The following NCAM1 variants were observed in gnomAD, a reference collection of about 807,000 sequenced individuals.
The protein encoded by NCAM1 is antigen recognized by monoclonal antibody 5.1H11.
A neutral mutation model predicts 109.8 loss-of-function variants in NCAM1; 14 were observed. The observed-to-expected ratio is 0.13, with a 90% CI of 0.08 to 0.20. The LOEUF (loss-of-function observed/expected upper bound fraction) is 0.20. Ranked by LOEUF, NCAM1 falls within the 10% of genes least tolerant of loss-of-function variation. The pLI is 1.00. For synonymous variants in NCAM1, 418 were observed against 442.9 expected (o/e 0.94, Z 0.70); for missense variants, 774 against 1,109.9 (o/e 0.70, Z 4.30).
chr11:113,218,762 C>A (rs1944601664), intron 8 of NCAM1, among the ~76,000 whole-genome samples: 1 of 152,162 alleles, frequency 6.6e-6, no homozygotes, highest in African/African-American at 2.4e-5. Context: ...TCATCGAGAT[C>A]ATTAAGGTAG....
In NCAM1 at chr11:112,962,636, G is replaced by A. The variant is rs1201611897; in HGVS notation, c.52+972G>A. Among the ~76,000 whole-genome samples, 3 of 152,114 alleles carry A rather than the reference G, an allele frequency of 2.0e-5. No individual in the cohort carries two copies. The highest frequency in any genetic ancestry group is 2.9e-5 in the Non-Finnish European group (2 of 68,014). ...AGTAGTGATGCTGCCGCGGGTGGCG[G>A]GGGTTGCGCCGCCGCCCAGAGAACC... On this transcript the variant is annotated intron_variant, in intron 1 of 19. Transcript: ENST00000316851. The surrounding 1 kb of genome is among the most constrained non-coding windows in gnomAD (Gnocchi z 5.6).
intron 1 of NCAM1, among the ~76,000 whole-genome samples, chr11:113,093,588 TGGAAG>T (rs1340301994): frequency 6.6e-6 from 1 of 152,216 alleles, no homozygotes; most frequent in African/African-American, 2.4e-5. Flanking sequence ...CTTAAGCCTT[TGGAAG>T]GCTTCCCTTT....
intron 1 of NCAM1, among the ~76,000 whole-genome samples, chr11:112,966,726 A>G (rs1950737600): frequency 6.6e-6 from 1 of 152,218 alleles, no homozygotes. Context: ...GATGCTCATT[A>G]GGAGCATTGC....
intron 1 of NCAM1, among the ~76,000 whole-genome samples, chr11:113,161,060 A>G (rs1038422678): frequency 2.6e-5 from 4 of 152,170 alleles, no homozygotes; most frequent in Non-Finnish European, 5.9e-5. Flanking sequence ...CCATCTCACA[A>G]GAGAAGAGAG....
At chr11:112,975,737 T>G (rs1950989115) in intron 1 of NCAM1, among the ~76,000 whole-genome samples, 1 of 152,136 alleles carries the variant, frequency 6.6e-6, no homozygotes, top group Non-Finnish European at 1.5e-5. Flanking sequence ...TTGAACTAAA[T>G]TGGCTTTGGA....
rs559492763 is a variant in NCAM1 at position 113,259,828 on chromosome 11, A to G, written c.1954-318A>G. The stretch of plus-strand genomic sequence containing the variant: ...AAGCCATTCTCTTGCCTCAGCCTCC[A>G]GAGTAGCTGGGACTACAGGTGTGTG... On this transcript the variant is annotated intron_variant, in intron 16 of 19. Coordinates refer to ENST00000316851, the MANE Select transcript of NCAM1 (RefSeq NM_181351.5). 1.2e-3 allele frequency among the ~76,000 whole-genome samples: 172 copies of G among 149,400 alleles called. 1 individual carries two copies. Among genetic ancestry groups the G allele is most frequent in the African/African-American group, 4.1e-3 (166 of 40,424 alleles).
rs1032412196 is a variant in NCAM1 at position 113,240,464 on chromosome 11, C to T, written c.1825+5300C>T. 9 of 365,628 alleles carry T rather than the reference C, an allele frequency of 2.5e-5. No homozygotes were observed. In the Middle Eastern group the frequency reaches 3.6e-3, roughly 147 times the overall value. 22.6% of individuals were successfully genotyped at this position (365,628 alleles called of 1,614,324 possible). A position where few individuals can be genotyped will look rare whatever the true frequency, so the allele number is the denominator to read the frequency against. The stretch of plus-strand genomic sequence containing the variant: ...AGATTCCTTTTCCTCCTATACCTCT[C>T]GTCCTATGGAGACAGCTGGTCCTGC... On this transcript the variant is annotated intron_variant, in intron 14 of 19. Transcript: ENST00000316851.
chr11:113,042,488 G>A (rs1953113377), intron 1 of NCAM1, among the ~76,000 whole-genome samples: 1 of 152,044 alleles, frequency 6.6e-6, no homozygotes, highest in Non-Finnish European at 1.5e-5. Flanking sequence ...CTTGTTCCCA[G>A]TCCCCGAATG....
chr11:112,974,170 G>T (rs945757868), intron 1 of NCAM1, among the ~76,000 whole-genome samples: 1 of 152,066 alleles, frequency 6.6e-6, no homozygotes. Flanking sequence ...GAATGAAGAA[G>T]TAACGGAAAG....
chr11:112,994,716 G>T (rs782050653), intron 1 of NCAM1, among the ~76,000 whole-genome samples: 2 of 152,094 alleles, frequency 1.3e-5, no homozygotes, highest in Non-Finnish European at 1.5e-5. Context: ...AGGCTATCTT[G>T]GTTTCTGCAG....
At chr11:112,984,263 CAT>C (rs1252831294) in intron 1 of NCAM1, among the ~76,000 whole-genome samples, 4 of 151,554 alleles carry the variant, frequency 2.6e-5, no homozygotes, top group African/African-American at 9.7e-5. Context: ...GAATAATATT[CAT>C]ATATATATAT....
intron 8 of NCAM1, among the ~76,000 whole-genome samples, chr11:113,216,373 C>G (rs930441074): frequency 6.6e-6 from 1 of 151,844 alleles, no homozygotes; most frequent in African/African-American, 2.4e-5. Flanking sequence ...AGGATGGTCT[C>G]GATCTCCTGA....
Position 113,007,617 on chromosome 11 carries a change from T to C in NCAM1, c.52+45953T>C, listed in dbSNP as rs540125172. ...AAACGAGATGGCTTCTTTTAGCTGA[T>C]GGCATCTTACAGTTACTCAGAGCCA... On this transcript the variant is annotated intron_variant, in intron 1 of 19. Transcript: ENST00000316851. Among the ~76,000 whole-genome samples, 7 of 152,346 alleles carry C rather than the reference T, an allele frequency of 4.6e-5. No individual in the cohort carries two copies. The East Asian group carries it at 1.4e-3, about 29-fold the overall frequency.
intron 1 of NCAM1, among the ~76,000 whole-genome samples, chr11:113,036,440 T>C (rs1231923784): frequency 6.6e-6 from 1 of 151,896 alleles, no homozygotes; most frequent in Non-Finnish European, 1.5e-5. Context: ...CCCATTCCAT[T>C]GCCTGAACCA....
At chr11:112,999,165 C>A (rs967601577) in intron 1 of NCAM1, among the ~76,000 whole-genome samples, 1 of 152,104 alleles carries the variant, frequency 6.6e-6, no homozygotes, top group Non-Finnish European at 1.5e-5. Context: ...ATAGGCCTCC[C>A]TCTGATATTG....
intron 1 of NCAM1, among the ~76,000 whole-genome samples, chr11:113,058,665 C>G (rs1482222709): frequency 1.3e-5 from 2 of 152,228 alleles, no homozygotes; most frequent in African/African-American, 4.8e-5. Context: ...TGGTGCAGAA[C>G]TGCTTCTTCT....
At chr11:113,200,887 C>T (rs781840782) in intron 1 of NCAM1, among the ~76,000 whole-genome samples, 5 of 152,078 alleles carry the variant, frequency 3.3e-5, no homozygotes, top group Non-Finnish European at 7.4e-5. Context: ...CTCAGGGAGC[C>T]GGCAGTGGTG....
intron 1 of NCAM1, among the ~76,000 whole-genome samples, chr11:113,118,444 G>A (rs1158111821): frequency 6.6e-6 from 1 of 152,008 alleles, no homozygotes; most frequent in East Asian, 1.9e-4. Context: ...AGCTGGGCCA[G>A]TTTCTGTGGC....
chr11:113,275,522 T>G lies in NCAM1; in HGVS notation c.*135T>G. On this transcript the variant is annotated 3_prime_UTR_variant, in exon 20 of 20. Transcript: ENST00000316851. ...TGCACACACACACATCTCATTTCTC[T>G]AGTGTCTTTTGCCTTTAAAAAAAAC... The G allele has an allele frequency of 1.2e-5, 14 of 1,141,708 alleles. No individual in the cohort carries two copies. The highest frequency in any genetic ancestry group is 3.5e-5 in the South Asian group (2 of 56,492). 70.7% of individuals were successfully genotyped at this position (1,141,708 alleles called of 1,614,324 possible).
Sources: allele counts gnomAD v4.1 joint callset (sites outside exome capture counted in the v4.1 genomes callset), GRCh38; gene constraint gnomAD v4.1.1; non-coding constraint Gnocchi (gnomAD v3.1); transcripts MANE v1.5; gene names NCBI Gene and HGNC (gene_info 2026-07-23, HGNC 2026-07-21).